Variants in TBC1D1 observed in about 807,000 individuals in gnomAD.
TBC1D1 encodes the protein TBC1 domain family member 1.
In TBC1D1, 89 loss-of-function variants were observed where a neutral mutation model predicts 125.6. The ratio of observed to expected loss-of-function variants is 0.71; its 90% CI spans 0.60 to 0.85. TBC1D1 has a LOEUF of 0.85. Ranked by LOEUF, TBC1D1 falls within the 40% of genes least tolerant of loss-of-function variation. The pLI, the probability that TBC1D1 is intolerant of heterozygous loss-of-function variation, is 0.00. For synonymous variants in TBC1D1, 565 were observed against 564.1 expected (o/e 1.00, Z -0.02); for missense variants, 1,377 against 1,469.2 (o/e 0.94, Z 1.03).
At chr4:38,077,410 G>C (rs1578576606) in intron 12 of TBC1D1, among the ~76,000 whole-genome samples, 5 of 152,096 alleles carry the variant, frequency 3.3e-5, no homozygotes, top group Admixed American at 2.6e-4. Flanking sequence ...ATTCCTAAAG[G>C]GTTTTTGTTA....
At chr4:38,092,694 C>G (rs1226535991) in intron 13 of TBC1D1, among the ~76,000 whole-genome samples, 1 of 150,558 alleles carries the variant, frequency 6.6e-6, no homozygotes, top group Non-Finnish European at 1.5e-5. Flanking sequence ...AAGATGGTGC[C>G]ACTGCACTCC....
intron 6 of TBC1D1, among the ~76,000 whole-genome samples, chr4:38,023,371 T>G (rs1744455576): frequency 6.6e-6 from 1 of 152,246 alleles, no homozygotes; most frequent in Non-Finnish European, 1.5e-5. Context: ...TTTACCATCG[T>G]AACCTTTTTG....
chr4:38,032,470 G>C (rs1352017080), intron 7 of TBC1D1, among the ~76,000 whole-genome samples: 1 of 152,072 alleles, frequency 6.6e-6, no homozygotes, highest in Non-Finnish European at 1.5e-5. Flanking sequence ...TACCCAATTC[G>C]ATTCCCCATT....
At position 37,896,152 on chromosome 4, in the gene TBC1D1, G is replaced by A. The variant is rs576038406; in HGVS notation, c.-94+4804G>A. On this transcript the variant is annotated intron_variant, in intron 1 of 19. Transcript: ENST00000261439. ...CCCCAACAGCCAATCAATATTGGCC[G>A]GTTCCTAATCTGACCTAGAGCTAGA... is the stretch of plus-strand genomic sequence containing the variant. Among the ~76,000 whole-genome samples the A allele has an allele frequency of 7.9e-5, 12 of 152,248 alleles. No homozygotes were observed. In the South Asian group the frequency reaches 1.9e-3, roughly 24 times the overall value.
rs1745364811 is a variant in TBC1D1, at chr4:38,027,873, G to C, written c.1296G>C (p.Glu432Asp). ...AGGAGCAGGCGACTATTTTTGAAGA[G>C]GTTCAGGTACAGTACAGTTGCTAAT... The change falls in exon 7 of 20, where the codon GAG (glutamate) becomes GAC (aspartate). Residue 432 changes from glutamate (E) to aspartate (D), a missense_variant. Around this residue, in one of 3 missense-constraint regions of TBC1D1, gnomAD observed 822 missense variants for 824.6 expected, o/e 1.00. Coordinates refer to ENST00000261439, the MANE Select transcript of TBC1D1 (RefSeq NM_015173.4). The C allele has an allele frequency of 6.2e-7, 1 of 1,610,954 alleles. No individual in the cohort carries two copies. The highest frequency in any genetic ancestry group is 1.3e-5 in the African/African-American group (1 of 74,778).
intron 1 of TBC1D1, among the ~76,000 whole-genome samples, chr4:37,898,712 G>A (rs769774291): frequency 8.5e-5 from 13 of 152,262 alleles, no homozygotes; most frequent in South Asian, 2.1e-4. Flanking sequence ...ATTGTCCTTC[G>A]TCTCCAACCC....
chr4:38,012,237 A>G (rs1008277284), intron 2 of TBC1D1, among the ~76,000 whole-genome samples: 2 of 152,184 alleles, frequency 1.3e-5, no homozygotes, highest in Admixed American at 1.3e-4. Context: ...TTTACCAGGA[A>G]AATCTTATAA....
chr4:37,895,108 C>G (rs1327278318), intron 1 of TBC1D1, among the ~76,000 whole-genome samples: 1 of 152,202 alleles, frequency 6.6e-6, no homozygotes, highest in Non-Finnish European at 1.5e-5. Context: ...GGGTTCAAAT[C>G]CCGATTCTGC....
intron 1 of TBC1D1, among the ~76,000 whole-genome samples, 172 bp from the exon 2 acceptor site, chr4:37,901,831 G>A (rs985185672): frequency 6.6e-6 from 1 of 152,140 alleles, no homozygotes; most frequent in African/African-American, 2.4e-5. Context: ...CCATAACCAG[G>A]TTTTATATGG....
intron 17 of TBC1D1, among the ~76,000 whole-genome samples, chr4:38,121,479 G>A (rs536709380): frequency 4.1e-4 from 62 of 152,270 alleles, no homozygotes; most frequent in Middle Eastern, 3.4e-3. Context: ...CCTATTTCCT[G>A]CCGGATAAAA....
chr4:38,059,130 G>A (rs1373780688), intron 12 of TBC1D1, among the ~76,000 whole-genome samples: 4 of 152,178 alleles, frequency 2.6e-5, no homozygotes, highest in Non-Finnish European at 5.9e-5. Flanking sequence ...TCTGAGGTAG[G>A]TAGGAAGTTA....
At chr4:38,127,382 T>C (rs1764827673) in intron 18 of TBC1D1, among the ~76,000 whole-genome samples, 1 of 102,492 alleles carries the variant, frequency 9.8e-6, no homozygotes, top group Admixed American at 9.3e-5. Context: ...TTCCACTGAC[T>C]TTTTTTTTTT....
Position 38,027,651 on chromosome 4 carries a change from A to C in TBC1D1, c.1211-137A>C, listed in dbSNP as rs919204279. 3 of 509,740 alleles carry C rather than the reference A, an allele frequency of 5.9e-6. No individual in the cohort carries two copies. The East Asian group carries it at 1.0e-4, about 17-fold the overall frequency. The allele number at this position is 509,740 out of a possible 1,614,324, so 31.6% of individuals were successfully genotyped here. ...ATTCCATGTCAAAAAAAAAAATAAA[A>C]TATTTTTTTATTTCCTAAAACCTTG... On this transcript the variant is annotated intron_variant, in intron 6 of 19. Transcript: ENST00000261439.
At chr4:38,045,937 G>A (rs1749355038) in intron 10 of TBC1D1, 34 bp downstream of exon 10, 1 of 1,570,326 alleles carries the variant, frequency 6.4e-7, no homozygotes, top group Non-Finnish European at 8.8e-7. Flanking sequence ...ACACCCTGAA[G>A]AAACCAACAA....
chr4:38,133,308 C>G (rs1765915477), intron 19 of TBC1D1, 51 bp downstream of exon 21: 1 of 1,544,980 alleles, frequency 6.5e-7, no homozygotes, highest in Non-Finnish European at 8.8e-7. Context: ...TATGGTAGTT[C>G]ATTAACTCAC....
chr4:37,908,795 G>A (rs1391916963), intron 2 of TBC1D1, among the ~76,000 whole-genome samples: 1 of 152,184 alleles, frequency 6.6e-6, no homozygotes, highest in Non-Finnish European at 1.5e-5. Context: ...TAAGTTTGAG[G>A]GGGAACAGTG....
intron 2 of TBC1D1, among the ~76,000 whole-genome samples, chr4:37,906,100 G>A (rs1325531902): frequency 2.0e-5 from 3 of 152,136 alleles, no homozygotes; most frequent in African/African-American, 7.2e-5. Flanking sequence ...TTATCTGGAT[G>A]GTCTGCTGCT....
intron 12 of TBC1D1, among the ~76,000 whole-genome samples, chr4:38,061,139 A>T (rs750623276): frequency 3.9e-5 from 6 of 152,238 alleles, no homozygotes; most frequent in South Asian, 2.1e-4. Flanking sequence ...ATTTGACCAT[A>T]TGCCAGGTGA....
chr4:38,020,830 CTATT>C (rs1305683807), intron 5 of TBC1D1, 135 bp downstream of exon 5: 17 of 651,766 alleles, frequency 2.6e-5, no homozygotes, highest in Non-Finnish European at 4.0e-5. Context: ...TTACTTATGA[CTATT>C]TAGTAAGCAG....
Sources: gnomAD v4.1 joint callset for allele counts (sites outside exome capture counted in the v4.1 genomes callset) on GRCh38, gnomAD v4.1.1 for gene constraint, gnomAD v4.1.1 regional missense constraint, MANE v1.5 for transcripts, NCBI Gene and HGNC (gene_info 2026-07-23, HGNC 2026-07-21) for gene names.